The following HMCN2 variants were observed in gnomAD, a reference collection of about 807,000 sequenced individuals.
HMCN2 encodes the protein hemicentin 2.
In HMCN2, 325 loss-of-function variants were observed where a neutral mutation model predicts 377.5. That is an observed-to-expected ratio of 0.86 (90% CI 0.79 to 0.94). HMCN2 has a LOEUF of 0.94. Among genes scored for constraint, HMCN2 ranks in the 40% least tolerant of loss-of-function variants. The pLI, the probability that HMCN2 is intolerant of heterozygous loss-of-function variation, is 0.00. For missense variants in HMCN2, 4,543 were observed against 4,725.3 expected, an observed-to-expected ratio of 0.96 and a Z score of 1.13; for synonymous variants, 2,007 against 2,046.8, an observed-to-expected ratio of 0.98 and a Z score of 0.53.
At chr9:130,355,283 G>A (rs183050046) in intron 32 of HMCN2, among the ~76,000 whole-genome samples, 10 of 152,334 alleles carry the variant, frequency 6.6e-5, no homozygotes, top group Non-Finnish European at 1.0e-4. Flanking sequence ...CAGGACCCTG[G>A]GCTGGGTCAC....
chr9:130,385,721 G>A lies in HMCN2; in HGVS notation c.9268G>A (p.Ala3090Thr), dbSNP rs1841986906. ...CCTGGTCCTGGCACAGCGGACCCAG[G>A]CTCTGCGGGGTGGGCAGAGGCTGGA... ...QPLVLAQRTQ[A>T]LRGGQRLEIQ... The change falls in exon 60 of 98, where the codon GCT (alanine) becomes ACT (threonine). Residue 3090 changes from alanine (A) to threonine (T), a missense_variant. Around this residue, in one of 5 missense-constraint regions of HMCN2, gnomAD observed 736 missense variants for 773.2 expected, o/e 0.95. Transcript: ENST00000683500. The A allele has an allele frequency of 7.7e-7, 1 of 1,304,168 alleles. No individual in the cohort carries two copies. Among genetic ancestry groups the A allele is most frequent in the Non-Finnish European group, 1.0e-6 (1 of 988,920 alleles). The allele number at this position is 1,304,168 out of a possible 1,614,324, so 80.8% of individuals were successfully genotyped here.
Position 130,387,874 on chromosome 9 carries a change from TGA to T in HMCN2, c.9392-532_9392-531del, listed in dbSNP as rs536651638. Among the ~76,000 whole-genome samples the T allele has an allele frequency of 2.3e-4, 35 of 152,220 alleles. No individual in the cohort carries two copies. In the South Asian group the frequency reaches 6.9e-3, roughly 30 times the overall value. ...GGATGATCACTTGAGCCCAGGAGTT[TGA>T]GATCAGACTGGGCGACATAGTGAGA... On this transcript the variant is annotated intron_variant, in intron 61 of 97. Coordinates refer to ENST00000683500, the MANE Select transcript of HMCN2 (RefSeq NM_001291815.2).
intron 77 of HMCN2, among the ~76,000 whole-genome samples, chr9:130,401,159 A>G (rs1842842631): frequency 6.6e-6 from 1 of 152,182 alleles, no homozygotes; most frequent in Non-Finnish European, 1.5e-5. Flanking sequence ...GTGGTTCCCC[A>G]AGGCCCTCTG....
intron 84 of HMCN2, 39 bp downstream of exon 84, chr9:130,408,972 G>T (rs1401468784): frequency 8.0e-7 from 1 of 1,249,730 alleles, no homozygotes. Context: ...GGCCACTGAG[G>T]ACAACTCTAC....
chr9:130,271,123 C>T (rs1238430409), intron 1 of HMCN2, among the ~76,000 whole-genome samples: 2 of 148,538 alleles, frequency 1.3e-5, no homozygotes, highest in Admixed American at 6.7e-5. Context: ...CCATTCTCAT[C>T]GTCTCATATC....
rs1402123590 is a variant in HMCN2, at chr9:130,422,245, T to C, written c.13232-332T>C. On this transcript the variant is annotated intron_variant, in intron 86 of 97. Coordinates refer to ENST00000683500, the MANE Select transcript of HMCN2 (RefSeq NM_001291815.2). The surrounding 1 kb of genome is among the most constrained non-coding windows in gnomAD (Gnocchi z 4.2). ...AGAGACCCACAGGTCTTCTGTGAGT[T>C]TGTGGTCCCGCCTCCTCATTTTACA... 1.3e-5 allele frequency among the ~76,000 whole-genome samples: 2 copies of C among 152,180 alleles called. No homozygotes were observed. Among genetic ancestry groups the C allele is most frequent in the Non-Finnish European group, 2.9e-5 (2 of 68,026 alleles).
chr9:130,364,507 C>T (rs1436397872), intron 40 of HMCN2, among the ~76,000 whole-genome samples: 4 of 152,224 alleles, frequency 2.6e-5, no homozygotes, highest in Non-Finnish European at 5.9e-5. Flanking sequence ...CCCCAATTTC[C>T]CTCGGTGGAA....
chr9:130,352,267 G>T (rs970817913), intron 30 of HMCN2, among the ~76,000 whole-genome samples: 1 of 152,162 alleles, frequency 6.6e-6, no homozygotes, highest in African/African-American at 2.4e-5. Flanking sequence ...GTTTCGCTTG[G>T]CTAAGGAAGC....
intron 86 of HMCN2, among the ~76,000 whole-genome samples, chr9:130,421,632 C>A (rs1020423463): frequency 1.3e-5 from 2 of 152,162 alleles, no homozygotes; most frequent in Non-Finnish European, 2.9e-5. Context: ...TTCTTCACTC[C>A]CCTATTAAAA....
intron 86 of HMCN2, 190 bp downstream of exon 86, chr9:130,419,231 T>C (rs1208684125): frequency 8.3e-6 from 4 of 483,956 alleles, no homozygotes; most frequent in Non-Finnish European, 1.0e-5. Context: ...ATCTTGGAGG[T>C]GCTGTTTGCT....
chr9:130,339,448 G>A (rs1838933916), intron 23 of HMCN2, among the ~76,000 whole-genome samples: 1 of 152,290 alleles, frequency 6.6e-6, no homozygotes, highest in Non-Finnish European at 1.5e-5. Flanking sequence ...GGGCTCCAGG[G>A]TTCCCATGGG....
Position 130,414,613 on chromosome 9 carries a change from CTT to C in HMCN2, c.12961+3976_12961+3977del, listed in dbSNP as rs145783637. ...CAGATATCAGGTAATCTGATAAGGACTTTTTTTTTTTTTTTTAAGACAAGGTC... is the reference window on the plus strand; with the variant it reads ...CAGATATCAGGTAATCTGATAAGGACTTTTTTTTTTTTTTAAGACAAGGTC... On this transcript the variant is annotated intron_variant, in intron 85 of 97. Coordinates refer to ENST00000683500, the MANE Select transcript of HMCN2 (RefSeq NM_001291815.2). The surrounding 1 kb of genome is among the most constrained non-coding windows in gnomAD (Gnocchi z 4.4). Among the ~76,000 whole-genome samples, 283 of 140,662 alleles carry C rather than the reference CTT, an allele frequency of 2.0e-3. No homozygotes were observed. The highest frequency in any genetic ancestry group is 7.1e-3 in the Middle Eastern group (2 of 282). The allele number at this position is 140,662 out of a possible 152,430, so 92.3% of individuals were successfully genotyped here.
chr9:130,370,640 G>A lies in HMCN2; in HGVS notation c.7070-324G>A, dbSNP rs117061016. Among the ~76,000 whole-genome samples the A allele has an allele frequency of 5.6e-4, 86 of 152,338 alleles. 1 individual carries two copies. The East Asian group carries it at 0.016, about 28-fold the overall frequency. On this transcript the variant is annotated intron_variant, in intron 45 of 97. Transcript: ENST00000683500. ...CTGGCTTCGCCTTTGCACTAATTCC[G>A]GTCCCACTGGCTCAGCGCTTGCTCT...
At position 130,418,944 on chromosome 9, in the gene HMCN2, G is replaced by C; in HGVS notation, c.13134G>C (p.Trp4378Cys). The C allele has an allele frequency of 6.5e-7, 1 of 1,540,570 alleles. No homozygotes were observed. The highest frequency in any genetic ancestry group is 8.8e-7 in the Non-Finnish European group (1 of 1,141,816). The change falls in exon 86 of 98, where the codon TGG (tryptophan) becomes TGC (cysteine). Residue 4378 changes from tryptophan to cysteine, a missense_variant. Trp to Cys is a radical substitution (Grantham distance 215, BLOSUM62 -2). This residue lies in a region of HMCN2 where 1,155 missense variants were observed against 1,157.7 expected (regional missense o/e 1.00). Coordinates refer to ENST00000683500, the MANE Select transcript of HMCN2 (RefSeq NM_001291815.2). ...GGACCCTGCCCGATGGGAGCCTGTG[G>C]CTGGAGAACGTGGAGACTGGGGATG... ...RLRTLPDGSLWLENVETGDAG... is the reference protein window; with the variant it reads ...RLRTLPDGSLCLENVETGDAG...
intron 82 of HMCN2, 113 bp downstream of exon 82, chr9:130,406,281 C>G: frequency 2.1e-6 from 2 of 940,470 alleles, no homozygotes; most frequent in Non-Finnish European, 2.9e-6. Context: ...GTCAGCCAGC[C>G]CTGTTGGTTC....
At chr9:130,389,392 T>C (rs575757010) in intron 62 of HMCN2, among the ~76,000 whole-genome samples, 6 of 151,936 alleles carry the variant, frequency 3.9e-5, no homozygotes, top group South Asian at 2.1e-4. Context: ...CTCCCCGTTT[T>C]CTCCCCATTT....
intron 51 of HMCN2, 50 bp downstream of exon 51, chr9:130,376,039 G>C: frequency 1.2e-6 from 1 of 837,114 alleles, no homozygotes; most frequent in Non-Finnish European, 1.4e-6. Context: ...GACCGCCCGG[G>C]AACCTAGGGG....
Position 130,412,075 on chromosome 9 carries a change from G to A in HMCN2, c.12961+1423G>A, listed in dbSNP as rs552814486. On this transcript the variant is annotated intron_variant, in intron 85 of 97. Coordinates refer to ENST00000683500, the MANE Select transcript of HMCN2 (RefSeq NM_001291815.2). ...CAACCTCCGCCTCCCGGGTTCAGGC[G>A]TTTCTCCTGCCTCAGCCTCCTGAGT... Among the ~76,000 whole-genome samples the A allele has an allele frequency of 4.7e-4, 71 of 152,218 alleles. 2 individuals are homozygous for A. The highest frequency in any genetic ancestry group is 1.7e-3 in the African/African-American group (69 of 41,530).
chr9:130,424,722 G>T lies in HMCN2; in HGVS notation c.13382-54G>T, dbSNP rs1316619499. ...GCCATGACGGGACCTTGAACAGGAG[G>T]TGGCTGCCCTGAGGATCAGCTCTAA... On this transcript the variant is annotated intron_variant, in intron 87 of 97. Coordinates refer to ENST00000683500, the MANE Select transcript of HMCN2 (RefSeq NM_001291815.2). The T allele has an allele frequency of 5.9e-5, 85 of 1,451,292 alleles. 1 individual carries two copies. The East Asian group carries it at 2.1e-3, about 36-fold the overall frequency. The allele number at this position is 1,451,292 out of a possible 1,614,324, so 89.9% of individuals were successfully genotyped here. A position where few individuals can be genotyped will look rare whatever the true frequency, so the allele number is the denominator to read the frequency against.
Sources: allele counts gnomAD v4.1 joint callset (sites outside exome capture counted in the v4.1 genomes callset), GRCh38; gene constraint gnomAD v4.1.1; regional missense constraint gnomAD v4.1.1; non-coding constraint Gnocchi (gnomAD v3.1); transcripts MANE v1.5; gene names NCBI Gene and HGNC (gene_info 2026-07-23, HGNC 2026-07-21).